Variants in ATR observed in about 807,000 individuals in gnomAD.
The protein encoded by ATR is serine/threonine-protein kinase ATR.
Under a neutral mutation model 305.3 loss-of-function variants are expected in ATR, and 142 were observed. That is an observed-to-expected ratio of 0.47 (90% CI 0.41 to 0.53). ATR has a LOEUF of 0.53. Among genes scored for constraint, ATR ranks in the 20% least tolerant of loss-of-function variants. The pLI is 0.00. For synonymous variants in ATR, 1,050 were observed against 1,068.1 expected (o/e 0.98, Z 0.33); for missense variants, 2,135 against 3,133.1 (o/e 0.68, Z 7.60).
chr3:142,502,322 C>T (rs1577583028), intron 30 of ATR, among the ~76,000 whole-genome samples: 1 of 152,076 alleles, frequency 6.6e-6, no homozygotes, highest in African/African-American at 2.4e-5. Flanking sequence ...ACCTAAGTGC[C>T]CATCAATGGT....
intron 2 of ATR, among the ~76,000 whole-genome samples, chr3:142,567,521 T>C (rs1195411206): frequency 6.6e-6 from 1 of 152,230 alleles, no homozygotes. Flanking sequence ...AATGCCATTT[T>C]ATATTATCCC....
intron 3 of ATR, among the ~76,000 whole-genome samples, chr3:142,564,002 T>A (rs368672909): frequency 8.5e-5 from 13 of 152,310 alleles, no homozygotes; most frequent in African/African-American, 3.1e-4. Context: ...CAACATTCCC[T>A]TAAGCCAAAG....
chr3:142,454,892 A>G (rs1001062773), intron 45 of ATR, among the ~76,000 whole-genome samples: 3 of 152,214 alleles, frequency 2.0e-5, no homozygotes, highest in African/African-American at 7.2e-5. Context: ...GTCCACTTTT[A>G]GCATGTCTAT....
At chr3:142,483,819 C>A (rs2108307723) in intron 36 of ATR, among the ~76,000 whole-genome samples, 1 of 151,230 alleles carries the variant, frequency 6.6e-6, no homozygotes, top group South Asian at 2.1e-4. Flanking sequence ...GGCGACAGAG[C>A]AAGACTCTGT....
intron 23 of ATR, among the ~76,000 whole-genome samples, chr3:142,522,429 T>C (rs1220509107): frequency 6.6e-6 from 1 of 152,180 alleles, no homozygotes; most frequent in Non-Finnish European, 1.5e-5. Flanking sequence ...GTTTTAGAGC[T>C]GTGAACATCC....
At chr3:142,559,187 A>C in intron 7 of ATR, 64 bp downstream of exon 7, 3 of 1,545,020 alleles carry the variant, frequency 1.9e-6, no homozygotes, top group South Asian at 1.1e-5. Flanking sequence ...GGCAAAAAAG[A>C]AAGCATATTT....
chr3:142,556,249 A>G, intron 9 of ATR, 110 bp from the exon 10 acceptor site: 4 of 1,502,992 alleles, frequency 2.7e-6, no homozygotes, highest in Non-Finnish European at 3.6e-6. Context: ...TAGAAGGAAA[A>G]AATGTTAAAT....
Position 142,512,465 on chromosome 3 carries a change from A to G in ATR, c.4647T>C (p.Tyr1549=), listed in dbSNP as rs2108372675. 1 of 1,603,676 alleles carries G rather than the reference A, an allele frequency of 6.2e-7. No homozygotes were observed. Among genetic ancestry groups the G allele is most frequent in the African/African-American group, 1.3e-5 (1 of 74,836 alleles). The change falls in exon 27 of 47, where the codon TAT becomes TAC. Residue 1549 remains tyrosine (Y), a synonymous_variant. Transcript: ENST00000350721. ...GCTTTAGAACTGCCATAATTTCTGC[A>G]TAAACCTATGAGAATCATTTATAAT... ...GCNQEDQQEV[Y]AEIMAVLKHD... is the part of the protein sequence containing the mutation.
At chr3:142,482,477 C>T (rs1442566293) in intron 36 of ATR, among the ~76,000 whole-genome samples, 1 of 152,040 alleles carries the variant, frequency 6.6e-6, no homozygotes, top group African/African-American at 2.4e-5. Flanking sequence ...AATTCTATAT[C>T]CCAAGGCACA....
chr3:142,490,753 C>A (rs1276500644), intron 35 of ATR, among the ~76,000 whole-genome samples: 1 of 152,014 alleles, frequency 6.6e-6, no homozygotes, highest in Non-Finnish European at 1.5e-5. Context: ...GTACTTTCTG[C>A]TTGTAAATGG....
At position 142,515,420 on chromosome 3, in the gene ATR, G is replaced by C. The variant is rs1208902382; in HGVS notation, c.4478C>G (p.Ser1493Cys). ...CTTTGTAATAAGATAACCTGCCCAA[G>C]ATGCTGACCATTCTGCAAAGTTACT... is the stretch of plus-strand genomic sequence containing the variant. ...LGSNFAEWSA[S>C]WAGYLITKVR... Residue 1493 changes from serine (S) to cysteine (C), a missense_variant, in exon 25 of 47, where the codon TCT becomes TGT. Around this residue, in one of 9 missense-constraint regions of ATR, gnomAD observed 202 missense variants for 252.9 expected, o/e 0.80. Transcript: ENST00000350721. 6.2e-7 allele frequency: 1 copy of C among 1,613,892 alleles called. No homozygotes were observed. The highest frequency in any genetic ancestry group is 1.1e-5 in the South Asian group (1 of 91,070).
chr3:142,504,340 A>C (rs2032129616), intron 29 of ATR, among the ~76,000 whole-genome samples: 1 of 152,222 alleles, frequency 6.6e-6, no homozygotes, highest in Non-Finnish European at 1.5e-5. Flanking sequence ...TACACTTTTA[A>C]TAGCAAACTA....
Position 142,566,306 on chromosome 3 carries a change from A to C in ATR, c.152-45T>G, listed in dbSNP as rs775361287. 3.8e-6 allele frequency: 6 copies of C among 1,598,608 alleles called. No individual in the cohort carries two copies. The South Asian group carries it at 5.5e-5, about 15-fold the overall frequency. ...TTTAAAGAGTCATGACAAATTAAAC[A>C]ATGGTCCTTTTGTTAAGAAACCAGA... On this transcript the variant is annotated intron_variant, in intron 2 of 46. Transcript: ENST00000350721.
chr3:142,553,048 C>T (rs767600295), intron 13 of ATR, among the ~76,000 whole-genome samples, 179 bp downstream of exon 13: 4 of 152,110 alleles, frequency 2.6e-5, no homozygotes, highest in African/African-American at 4.8e-5. Context: ...AGCAAACCAC[C>T]ACGACACGTT....
intron 16 of ATR, among the ~76,000 whole-genome samples, chr3:142,543,966 C>T (rs772725746): frequency 2.0e-5 from 3 of 152,136 alleles, no homozygotes; most frequent in South Asian, 2.1e-4. Context: ...CCACTGTGCT[C>T]GGCCAAGTTA....
At chr3:142,538,409 C>T (rs1170854370) in intron 19 of ATR, 73 bp downstream of exon 19, 5 of 1,496,612 alleles carry the variant, frequency 3.3e-6, no homozygotes, top group Middle Eastern at 2.0e-4. Context: ...TTCCACATTA[C>T]CATCAGTAAT....
chr3:142,455,680 G>C (rs2070890102), intron 45 of ATR, among the ~76,000 whole-genome samples: 1 of 152,162 alleles, frequency 6.6e-6, no homozygotes, highest in South Asian at 2.1e-4. Context: ...TAATGGATAT[G>C]CACATGCAAA....
At chr3:142,557,886 G>T (rs2034728579) in intron 8 of ATR, among the ~76,000 whole-genome samples, 1 of 152,168 alleles carries the variant, frequency 6.6e-6, no homozygotes, top group Non-Finnish European at 1.5e-5. Flanking sequence ...GCATGCCTTG[G>T]CCTCCCAAAG....
chr3:142,450,276 C>T, intron 46 of ATR: 2 of 764,544 alleles, frequency 2.6e-6, no homozygotes, highest in Non-Finnish European at 4.5e-6. Flanking sequence ...TTCCCTTTTG[C>T]AGTTGCAAAC....
Sources: gnomAD v4.1 joint callset for allele counts (sites outside exome capture counted in the v4.1 genomes callset) on GRCh38, gnomAD v4.1.1 for gene constraint, gnomAD v4.1.1 regional missense constraint, MANE v1.5 for transcripts, NCBI Gene and HGNC (gene_info 2026-07-23, HGNC 2026-07-21) for gene names.